The following FLNB variants were observed in gnomAD, a reference collection of about 807,000 sequenced individuals.
FLNB encodes the protein filamin B.
FLNB carries 111 observed loss-of-function variants against 250.6 expected under a neutral mutation model. The ratio of observed to expected loss-of-function variants is 0.44; its 90% confidence interval spans 0.38 to 0.52. The LOEUF (loss-of-function observed/expected upper bound fraction) is 0.52. Ranked by LOEUF, FLNB falls within the 20% of genes least tolerant of loss-of-function variation. FLNB has a pLI of 0.00. For synonymous variants in FLNB, 1,302 were observed against 1,372.1 expected (o/e 0.95, Z 1.13); for missense variants, 2,869 against 3,447.8 (o/e 0.83, Z 4.20).
intron 18 of FLNB, among the ~76,000 whole-genome samples, chr3:58,114,719 TG>T (rs199807865): frequency 0.037 from 5,487 of 147,062 alleles, 250 homozygotes; most frequent in African/African-American, 0.11. Flanking sequence ...TTTTTTTTTT[TG>T]TTGTTGTTGT....
intron 2 of FLNB, 30 bp downstream of exon 2, chr3:58,077,324 G>A (rs371030523): frequency 1.9e-6 from 3 of 1,611,294 alleles, no homozygotes; most frequent in African/African-American, 1.3e-5. Context: ...TAAACCATCT[G>A]TCCAGGATGG....
In FLNB at chr3:58,123,209, C is replaced by G. The variant is rs760725144; in HGVS notation, c.3243C>G (p.Cys1081Trp). Residue 1081 changes from cysteine to tryptophan, a missense_variant, in exon 21 of 46, where the codon TGC becomes TGG. By Grantham distance (215) the Cys-to-Trp change is radical. Transcript: ENST00000295956. ...GGLGLTVEGP[C>W]EAKIECSDNG... ...TGGGCTTAACGGTGGAAGGTCCGTG[C>G]GAGGCCAAAATCGAGTGCTCCGACA... The G allele has an allele frequency of 3.1e-6, 5 of 1,613,942 alleles. No homozygotes were observed. The South Asian group carries it at 5.5e-5, about 18-fold the overall frequency.
At chr3:58,113,704 AG>A (rs1445686129) in intron 18 of FLNB, among the ~76,000 whole-genome samples, 1 of 152,208 alleles carries the variant, frequency 6.6e-6, no homozygotes, top group East Asian at 1.9e-4. Flanking sequence ...TTTAGACAAA[AG>A]TCTTGCTCTG....
In FLNB at chr3:58,104,100, G is replaced by A. The variant is rs774520887; in HGVS notation, c.1610+15G>A. 1.2e-6 allele frequency: 2 copies of A among 1,613,476 alleles called. No individual in the cohort carries two copies. The highest frequency in any genetic ancestry group is 1.1e-5 in the South Asian group (1 of 91,042). ...ATTCCAAAGAGGTGAGGCTCCTGCT[G>A]CAGAGGGGTCTTCTCTGGAGGGTGC... is the stretch of plus-strand genomic sequence containing the variant. On this transcript the variant is annotated intron_variant, in intron 10 of 45. Coordinates refer to ENST00000295956, the MANE Select transcript of FLNB (RefSeq NM_001457.4).
intron 24 of FLNB, among the ~76,000 whole-genome samples, chr3:58,127,467 A>G (rs1307408843): frequency 6.6e-6 from 1 of 151,962 alleles, no homozygotes; most frequent in Non-Finnish European, 1.5e-5. Context: ...TTTCTTTTGT[A>G]TTTAGTGATG....
rs370171572 is a variant in FLNB at position 58,148,896 on chromosome 3, G to A, written c.6091+44G>A. 193 of 1,556,052 alleles carry A rather than the reference G, an allele frequency of 1.2e-4. 1 individual carries two copies. The African/African-American group carries it at 2.3e-3, about 19-fold the overall frequency. On this transcript the variant is annotated intron_variant, in intron 36 of 45. Transcript: ENST00000295956. ...GAGAGGCCCAGAGCTTGTGGGAACCGACTTATTTTGCTGAGGCAGCGTCAT... is the reference window on the plus strand; with the variant it reads ...GAGAGGCCCAGAGCTTGTGGGAACCAACTTATTTTGCTGAGGCAGCGTCAT...
chr3:58,096,873 A>G (rs767643135), intron 6 of FLNB, among the ~76,000 whole-genome samples: 1 of 152,192 alleles, frequency 6.6e-6, no homozygotes, highest in Non-Finnish European at 1.5e-5. Flanking sequence ...AGCTGTCAGC[A>G]TTGAAGGCTG....
intron 23 of FLNB, among the ~76,000 whole-genome samples, 194 bp from the exon 24 acceptor site, chr3:58,126,408 G>A (rs1467826545): frequency 6.6e-6 from 1 of 152,128 alleles, no homozygotes; most frequent in Non-Finnish European, 1.5e-5. Flanking sequence ...TGAAGCATAA[G>A]CATTGAAAAT....
intron 4 of FLNB, among the ~76,000 whole-genome samples, chr3:58,090,460 T>C (rs918812396): frequency 2.0e-5 from 3 of 152,246 alleles, no homozygotes; most frequent in Admixed American, 2.0e-4. Flanking sequence ...CATCAAGTAT[T>C]ATGTATTGAA....
In FLNB at chr3:58,132,858, G is replaced by A. The variant is rs563226585; in HGVS notation, c.4441G>A (p.Val1481Ile). 8 of 1,614,020 alleles carry A rather than the reference G, an allele frequency of 5.0e-6. 1 individual carries two copies. In the Admixed American group the frequency reaches 1.3e-4, roughly 27 times the overall value. The change falls in exon 26 of 46, where the codon GTA becomes ATA. Residue 1481 changes from valine to isoleucine, a missense_variant. Around this residue, in one of 5 missense-constraint regions of FLNB, gnomAD observed 126 missense variants for 182.0 expected, o/e 0.69. Transcript: ENST00000295956. ...VVDNGDGTHT[V>I]TYTPSQEGPY... ...GGACAATGGAGATGGCACACACACA[G>A]TAACCTACACCCCATCTCAGGAGGG...
Position 58,169,761 on chromosome 3 carries a change from A to G in FLNB, c.7589A>G (p.Lys2530Arg). The change falls in exon 45 of 46, where the codon AAG becomes AGG. Residue 2530 changes from lysine (K) to arginine (R), a missense_variant. Physicochemically the swap from Lys to Arg is conservative, Grantham distance 26 (BLOSUM62 2). Transcript: ENST00000295956. The surrounding 1 kb of genome is among the most constrained non-coding windows in gnomAD (Gnocchi z 4.8). ...CTCTCAAAGGCCTTTGTGGGCCAGA[A>G]GAGTTCCTTCCTGGTGGACTGCAGC... ...AGLSKAFVGQKSSFLVDCSKA... is the reference protein window; with the variant it reads ...AGLSKAFVGQRSSFLVDCSKA... 1 of 1,538,872 alleles carries G rather than the reference A, an allele frequency of 6.5e-7. No homozygotes were observed. Among genetic ancestry groups the G allele is most frequent in the Non-Finnish European group, 8.8e-7 (1 of 1,132,028 alleles).
At chr3:58,170,503 C>A in intron 45 of FLNB, 72 bp from the exon 46 acceptor site, 3 of 1,469,180 alleles carry the variant, frequency 2.0e-6, no homozygotes, top group South Asian at 2.3e-5. Context: ...TTACCTTTGG[C>A]TCTCATATTT....
intron 25 of FLNB, among the ~76,000 whole-genome samples, chr3:58,131,554 T>C (rs1020065542): frequency 6.6e-6 from 1 of 152,202 alleles, no homozygotes; most frequent in African/African-American, 2.4e-5. Context: ...TGTGCCTTTC[T>C]CCCACATAGA....
chr3:58,156,728 G>T (rs560007605), intron 41 of FLNB, among the ~76,000 whole-genome samples: 4 of 152,200 alleles, frequency 2.6e-5, no homozygotes, highest in Admixed American at 1.3e-4. Context: ...GCAGAGTCTC[G>T]CTCTGTCACC....
chr3:58,145,842 C>T (rs758666010), intron 32 of FLNB, 79 bp from the exon 33 acceptor site: 31 of 1,585,252 alleles, frequency 2.0e-5, no homozygotes, highest in African/African-American at 4.0e-5. Flanking sequence ...GAGAGGTGGA[C>T]GTCAAGATGC....
At chr3:58,032,584 A>G (rs944118305) in intron 1 of FLNB, among the ~76,000 whole-genome samples, 3 of 152,154 alleles carry the variant, frequency 2.0e-5, no homozygotes, top group African/African-American at 4.8e-5. Context: ...AAAGTAGGTA[A>G]AAGTCTAGAG....
intron 1 of FLNB, among the ~76,000 whole-genome samples, chr3:58,020,153 A>G (rs549556897): frequency 2.0e-3 from 298 of 151,962 alleles, no homozygotes; most frequent in African/African-American, 6.6e-3. Context: ...GACAGCGGAC[A>G]TAGGCACAGC....
Position 58,123,676 on chromosome 3 carries a change from G to T in FLNB, c.3710G>T (p.Gly1237Val), listed in dbSNP as rs771200435. The T allele has an allele frequency of 2.0e-6, 3 of 1,531,026 alleles. No individual in the cohort carries two copies. Among genetic ancestry groups the T allele is most frequent in the Non-Finnish European group, 2.7e-6 (3 of 1,116,280 alleles). The allele number at this position is 1,531,026 out of a possible 1,614,324, so 94.8% of individuals were successfully genotyped here. A position where few individuals can be genotyped will look rare whatever the true frequency, so the allele number is the denominator to read the frequency against. The change falls in exon 21 of 46, where the codon GGA becomes GTA. Residue 1237 changes from glycine to valine, a missense_variant. Gly to Val is a moderately radical substitution (Grantham distance 109, BLOSUM62 -3). Around this residue, in one of 5 missense-constraint regions of FLNB, gnomAD observed 1,348 missense variants for 1,466.7 expected, o/e 0.92. Transcript: ENST00000295956. Reference sequence around the variant, plus strand: ...AGCAGGATCAAAGTCTTTGGACCAGGAATAGAAGGGAAAGGTGGGTTTCAT... The same window carrying T: ...AGCAGGATCAAAGTCTTTGGACCAGTAATAGAAGGGAAAGGTGGGTTTCAT... ...DTSRIKVFGP[G>V]IEGKDVFREA...
chr3:58,161,043 G>C (rs1260171389), intron 42 of FLNB, among the ~76,000 whole-genome samples: 18 of 152,290 alleles, frequency 1.2e-4, no homozygotes, highest in Non-Finnish European at 8.8e-5. Flanking sequence ...TTTCCTAGTA[G>C]GCAGAAAGGC....
Sources: gnomAD v4.1 joint callset for allele counts (sites outside exome capture counted in the v4.1 genomes callset) on GRCh38, gnomAD v4.1.1 for gene constraint, gnomAD v4.1.1 regional missense constraint, Gnocchi (gnomAD v3.1) non-coding constraint, MANE v1.5 for transcripts, NCBI Gene and HGNC (gene_info 2026-07-23, HGNC 2026-07-21) for gene names.